The following DLGAP2 variants were observed in gnomAD, a reference collection of about 807,000 sequenced individuals.
The protein encoded by DLGAP2 is disks large-associated protein 2.
In DLGAP2, 26 loss-of-function variants were observed where a neutral mutation model predicts 100.3. The ratio of observed to expected loss-of-function variants is 0.26; its 90% CI spans 0.19 to 0.36. The LOEUF is 0.36. Ranked by LOEUF, DLGAP2 falls within the 10% of genes least tolerant of loss-of-function variation. The pLI is 1.00. For missense variants in DLGAP2, 1,858 were observed against 1,453.2 expected (o/e 1.28, Z -4.53); for synonymous variants, 886 against 630.1 (o/e 1.41, Z -6.08).
At chr8:1,675,228 G>A (rs1798784189) in intron 10 of DLGAP2, among the ~76,000 whole-genome samples, 1 of 152,238 alleles carries the variant, frequency 6.6e-6, no homozygotes, top group Non-Finnish European at 1.5e-5. Flanking sequence ...AGAGCTCCAG[G>A]GTTTTCTCGC....
At chr8:1,349,397 C>T (rs116788718) in intron 3 of DLGAP2, among the ~76,000 whole-genome samples, 9,205 of 144,574 alleles carry the variant, frequency 0.064, 6 homozygotes, top group Middle Eastern at 0.16. Context: ...CATGAGCCTG[C>T]CGCCCACATC....
At chr8:1,348,478 T>C (rs1227578374) in intron 3 of DLGAP2, among the ~76,000 whole-genome samples, 1 of 149,742 alleles carries the variant, frequency 6.7e-6, no homozygotes, top group African/African-American at 2.5e-5. Context: ...TGTGTGGAGG[T>C]TGAGTTCCCA....
intron 3 of DLGAP2, among the ~76,000 whole-genome samples, chr8:1,386,790 G>C (rs1275993090): frequency 2.0e-5 from 3 of 151,728 alleles, no homozygotes; most frequent in African/African-American, 7.3e-5. Context: ...GAGATCCAAA[G>C]AAAAAAAGGA....
intron 3 of DLGAP2, among the ~76,000 whole-genome samples, chr8:1,296,614 T>G (rs1800182273): frequency 6.6e-6 from 1 of 152,230 alleles, no homozygotes; most frequent in Non-Finnish European, 1.5e-5. Flanking sequence ...AAAAGCTGTT[T>G]TCATGATCTG....
At chr8:1,466,359 G>A (rs747541012) in intron 3 of DLGAP2, among the ~76,000 whole-genome samples, 13 of 152,162 alleles carry the variant, frequency 8.5e-5, no homozygotes, top group South Asian at 4.1e-4. Flanking sequence ...CGTGGCTGCC[G>A]CAGGAGACAT....
At chr8:1,069,358 C>T (rs910995993) in intron 2 of DLGAP2, among the ~76,000 whole-genome samples, 5 of 152,174 alleles carry the variant, frequency 3.3e-5, no homozygotes, top group Non-Finnish European at 7.4e-5. Flanking sequence ...GTCGCGAGGA[C>T]ACCAGGTCTC....
intron 3 of DLGAP2, chr8:1,302,175 T>C (rs892455859): frequency 6.6e-6 from 1 of 152,298 alleles, no homozygotes; most frequent in Non-Finnish European, 1.5e-5. Context: ...TCCCGAGCTC[T>C]GCTCCATACC....
At chr8:1,079,568 C>G (rs1235236959) in intron 2 of DLGAP2, among the ~76,000 whole-genome samples, 1 of 152,154 alleles carries the variant, frequency 6.6e-6, no homozygotes, top group Non-Finnish European at 1.5e-5. Flanking sequence ...CAGCTATGCT[C>G]CCCAACAAAG....
chr8:952,638 A>T (rs13253109), intron 2 of DLGAP2, among the ~76,000 whole-genome samples: 1 of 152,028 alleles, frequency 6.6e-6, no homozygotes, highest in Non-Finnish European at 1.5e-5. Context: ...CATGATCTCA[A>T]AAAAATAAAA....
chr8:1,633,100 C>T (rs1200976463), intron 8 of DLGAP2, 54 bp downstream of exon 8: 1 of 1,580,352 alleles, frequency 6.3e-7, no homozygotes, highest in African/African-American at 1.3e-5. Context: ...GCATACCTGT[C>T]TTCATCCTAG....
chr8:823,822 G>A (rs1458413770), intron 1 of DLGAP2, among the ~76,000 whole-genome samples: 1 of 152,198 alleles, frequency 6.6e-6, no homozygotes, highest in Non-Finnish European at 1.5e-5. Flanking sequence ...AGCCAGGACG[G>A]GGGAGGTCAA....
intron 12 of DLGAP2, among the ~76,000 whole-genome samples, chr8:1,683,574 T>G (rs1453440505): frequency 1.3e-5 from 2 of 149,914 alleles, no homozygotes; most frequent in African/African-American, 4.9e-5. Flanking sequence ...ACATTTATCA[T>G]CCACAGACAG....
At chr8:745,997 A>C (rs1820609587) in intron 1 of DLGAP2, among the ~76,000 whole-genome samples, 1 of 152,184 alleles carries the variant, frequency 6.6e-6, no homozygotes, top group African/African-American at 2.4e-5. Context: ...TGCTCAGGCC[A>C]GCCAAGGTCA....
At chr8:1,269,874 G>A (rs181213496) in intron 3 of DLGAP2, among the ~76,000 whole-genome samples, 25 of 152,274 alleles carry the variant, frequency 1.6e-4, no homozygotes, top group Non-Finnish European at 2.9e-5. Flanking sequence ...AGGGAAACTC[G>A]CTGAGTGACT....
At chr8:1,355,313 G>T (rs191102926) in intron 3 of DLGAP2, among the ~76,000 whole-genome samples, 1 of 152,358 alleles carries the variant, frequency 6.6e-6, no homozygotes, top group East Asian at 1.9e-4. Flanking sequence ...TGGGTGGTGA[G>T]ATTGTCGGAG....
chr8:1,246,599 T>C (rs958194783), intron 2 of DLGAP2, among the ~76,000 whole-genome samples: 6 of 152,222 alleles, frequency 3.9e-5, no homozygotes, highest in African/African-American at 1.2e-4. Flanking sequence ...TACTAGGAAA[T>C]CCTAAACTTA....
chr8:1,048,841 C>T (rs1802591433), intron 2 of DLGAP2, among the ~76,000 whole-genome samples: 1 of 152,040 alleles, frequency 6.6e-6, no homozygotes, highest in Non-Finnish European at 1.5e-5. Flanking sequence ...TGCATATTCT[C>T]CTGGTACACT....
At chr8:1,107,054 A>G (rs1336911897) in intron 2 of DLGAP2, among the ~76,000 whole-genome samples, 11 of 152,136 alleles carry the variant, frequency 7.2e-5, no homozygotes, top group Admixed American at 7.2e-4. Context: ...TGTACTGACA[A>G]TGCATTTCCC....
At chr8:1,583,462 C>T (rs6994705) in intron 6 of DLGAP2, among the ~76,000 whole-genome samples, 86,812 of 151,990 alleles carry the variant, frequency 0.57, 25,661 homozygotes, top group African/African-American at 0.74. Context: ...TGGCCTGTGG[C>T]GGGTGGCTGT....
Sources: allele counts gnomAD v4.1 joint callset (sites outside exome capture counted in the v4.1 genomes callset), GRCh38; gene constraint gnomAD v4.1.1; transcripts MANE v1.5; gene names NCBI Gene and HGNC (gene_info 2026-07-23, HGNC 2026-07-21).